The following SETD4 variants were observed in gnomAD, a reference collection of about 807,000 sequenced individuals.
The protein encoded by SETD4 is SET domain containing 4.
SETD4 carries 46 observed loss-of-function variants against 58.3 expected under a neutral mutation model. The observed-to-expected ratio is 0.79, with a 90% CI of 0.62 to 1.01. The LOEUF is 1.01. Among genes scored for constraint, SETD4 ranks in the 50% least tolerant of loss-of-function variants. SETD4 has a pLI of 0.00. For missense variants in SETD4, 490 were observed against 523.3 expected, an observed-to-expected ratio of 0.94 and a Z score of 0.62; for synonymous variants, 190 against 202.6, an observed-to-expected ratio of 0.94 and a Z score of 0.53.
Position 36,038,255 on chromosome 21 carries a change from T to A in SETD4, c.1083A>T (p.Val361=). The change falls in exon 10 of 12, where the codon GTA becomes GTT. Residue 361 remains valine (V), a synonymous_variant. Transcript: ENST00000332131. ...TATCTGAAATTACCTCCCCAAGAAG[T>A]ACTTTTTTCCAGCATGTACTAGAAC... is the stretch of plus-strand genomic sequence containing the variant. The part of the protein sequence containing the change: ...EAEKFTCWKK[V]LLGEVISDTN... 1.9e-6 allele frequency: 3 copies of A among 1,613,258 alleles called. No homozygotes were observed. Among genetic ancestry groups the A allele is most frequent in the Non-Finnish European group, 1.7e-6 (2 of 1,179,830 alleles).
chr21:36,057,398 C>A, intron 2 of SETD4, 194 bp from the exon 3 acceptor site: 2 of 718,776 alleles, frequency 2.8e-6, no homozygotes, highest in South Asian at 3.0e-5. Context: ...GTATTCCCAG[C>A]ATTTGGGAGG....
intron 4 of SETD4, chr21:36,053,216 G>T: frequency 3.7e-6 from 1 of 272,724 alleles, no homozygotes; most frequent in Non-Finnish European, 7.0e-6. Flanking sequence ...CTCTCCTGAT[G>T]CCCAAGTTCC....
chr21:36,036,846 T>G (rs984753164), intron 10 of SETD4, among the ~76,000 whole-genome samples: 3 of 152,196 alleles, frequency 2.0e-5, no homozygotes, highest in Non-Finnish European at 4.4e-5. Context: ...ACATTCAGCC[T>G]TATAAAAAAG....
At chr21:36,051,042 T>C (rs144626277) in intron 4 of SETD4, 1 of 1,485,874 alleles carries the variant, frequency 6.7e-7, no homozygotes, top group African/African-American at 1.4e-5. Flanking sequence ...CTTCTGTGTC[T>C]GTGAGGCCAA....
At position 36,043,429 on chromosome 21, in the gene SETD4, T is replaced by C. The variant is rs572223927; in HGVS notation, c.901+353A>G. On this transcript the variant is annotated intron_variant, in intron 7 of 11. Coordinates refer to ENST00000332131, the MANE Select transcript of SETD4 (RefSeq NM_017438.5). ...CAGTAGGTGCTTAATAAATATTTTT[T>C]ATTCATTGCTCTCTAATCCTATTTT... 2.8e-5 allele frequency: 29 copies of C among 1,031,352 alleles called. 1 individual carries two copies. In the South Asian group the frequency reaches 1.0e-3, roughly 36 times the overall value. The allele number at this position is 1,031,352 out of a possible 1,614,324, so 63.9% of individuals were successfully genotyped here.
At chr21:36,060,134 G>A (rs989437704) in intron 1 of SETD4, 2 of 985,400 alleles carry the variant, frequency 2.0e-6, no homozygotes, top group Non-Finnish European at 2.4e-6. Context: ...TCAGCTTTAC[G>A]CAGCGCGCCG....
chr21:36,039,590 G>A (rs1260196617), intron 9 of SETD4, among the ~76,000 whole-genome samples: 2 of 152,178 alleles, frequency 1.3e-5, no homozygotes, highest in African/African-American at 4.8e-5. Flanking sequence ...CTGCAGGAAT[G>A]GGCCAGTGCG....
chr21:36,051,140 C>T, intron 4 of SETD4: 2 of 1,500,986 alleles, frequency 1.3e-6, no homozygotes, highest in South Asian at 1.1e-5. Context: ...CCCTTCTACC[C>T]TCTGGCCAGC....
intron 10 of SETD4, 98 bp downstream of exon 10, chr21:36,038,052 A>G (rs1568899718): frequency 7.4e-7 from 1 of 1,344,812 alleles, no homozygotes; most frequent in East Asian, 2.4e-5. Context: ...GCACTAAACA[A>G]TGCTCTTATG....
intron 4 of SETD4, chr21:36,050,342 G>C: frequency 6.2e-7 from 1 of 1,613,452 alleles, no homozygotes; most frequent in Non-Finnish European, 8.5e-7. Context: ...TGGACTTTAG[G>C]GCTGTGGTGA....
intron 5 of SETD4, among the ~76,000 whole-genome samples, chr21:36,047,292 T>C (rs1292978707): frequency 1.3e-5 from 2 of 152,122 alleles, no homozygotes; most frequent in Non-Finnish European, 2.9e-5. Flanking sequence ...CTTTCAACCC[T>C]TGTATTTAGA....
chr21:36,059,952 C>G, intron 1 of SETD4: 1 of 985,536 alleles, frequency 1.0e-6, no homozygotes, highest in Non-Finnish European at 1.2e-6. Context: ...AGCTGTCCAC[C>G]ATCACCCTGC....
Position 36,051,322 on chromosome 21 carries a change from G to A in SETD4, c.207+2261C>T, listed in dbSNP as rs530086911. Reference sequence around the variant, plus strand: ...GAGCTGCTCACCAAACTCCCAGGGTGACTGTTCAACATGAACCAGCTGCTA... The same window carrying A: ...GAGCTGCTCACCAAACTCCCAGGGTAACTGTTCAACATGAACCAGCTGCTA... On this transcript the variant is annotated intron_variant, in intron 4 of 11. Transcript: ENST00000332131. The A allele has an allele frequency of 5.7e-6, 9 of 1,587,476 alleles. No homozygotes were observed. The South Asian group carries it at 7.9e-5, about 14-fold the overall frequency.
intron 3 of SETD4, among the ~76,000 whole-genome samples, chr21:36,056,741 A>G (rs1164250555): frequency 6.6e-6 from 1 of 152,040 alleles, no homozygotes; most frequent in Non-Finnish European, 1.5e-5. Flanking sequence ...TACTTTTAGT[A>G]GAGACAGGAT....
intron 6 of SETD4, 115 bp from the exon 7 acceptor site, chr21:36,044,071 T>G (rs1568913109): frequency 8.2e-7 from 1 of 1,224,332 alleles, no homozygotes; most frequent in East Asian, 2.5e-5. Context: ...CACCCATCAA[T>G]AAATGTAACT....
chr21:36,056,999 C>T, intron 3 of SETD4, 110 bp downstream of exon 3: 1 of 842,702 alleles, frequency 1.2e-6, no homozygotes. Context: ...GGAACACATG[C>T]AAACCAGCTG....
At chr21:36,053,250 G>A (rs755944679) in intron 4 of SETD4, 1 of 353,740 alleles carries the variant, frequency 2.8e-6, no homozygotes, top group South Asian at 3.5e-5. Flanking sequence ...TGACCTGAGG[G>A]TGCAGTTCCC....
At chr21:36,057,372 G>T in intron 2 of SETD4, 168 bp from the exon 3 acceptor site, 1 of 727,982 alleles carries the variant, frequency 1.4e-6, no homozygotes, top group South Asian at 1.5e-5. Flanking sequence ...TTGGCCAGGC[G>T]CAATGACTCA....
At chr21:36,055,418 A>G (rs2064940554) in intron 3 of SETD4, among the ~76,000 whole-genome samples, 1 of 152,184 alleles carries the variant, frequency 6.6e-6, no homozygotes, top group Non-Finnish European at 1.5e-5. Flanking sequence ...CAAAATTTCC[A>G]CTATCATCAA....
Sources: gnomAD v4.1 joint callset for allele counts (sites outside exome capture counted in the v4.1 genomes callset) on GRCh38, gnomAD v4.1.1 for gene constraint, MANE v1.5 for transcripts, NCBI Gene and HGNC (gene_info 2026-07-23, HGNC 2026-07-21) for gene names.